Variants in FLRT2 observed in about 807,000 individuals in gnomAD.
The protein encoded by FLRT2 is fibronectin leucine rich transmembrane protein 2.
In FLRT2, 15 loss-of-function variants were observed where a neutral mutation model predicts 40.0. The observed-to-expected ratio is 0.38, with a 90% confidence interval of 0.25 to 0.58. The LOEUF is 0.58. Among genes scored for constraint, FLRT2 ranks in the 20% least tolerant of loss-of-function variants. FLRT2 has a pLI of 0.71. For synonymous variants in FLRT2, 380 were observed against 336.8 expected, an observed-to-expected ratio of 1.13 and a Z score of -1.41; for missense variants, 726 against 840.0, an observed-to-expected ratio of 0.86 and a Z score of 1.68.
At chr14:85,586,693 TAC>T (rs59496302) in intron 1 of FLRT2, among the ~76,000 whole-genome samples, 171 of 149,958 alleles carry the variant, frequency 1.1e-3, no homozygotes, top group African/African-American at 1.6e-3. Context: ...AATATATATG[TAC>T]ACACACACAC....
chr14:85,613,918 G>C (rs1893008589), intron 1 of FLRT2, among the ~76,000 whole-genome samples: 1 of 152,202 alleles, frequency 6.6e-6, no homozygotes, highest in Non-Finnish European at 1.5e-5. Context: ...ATCAATGAAT[G>C]AACAAGGAAA....
intron 1 of FLRT2, among the ~76,000 whole-genome samples, chr14:85,551,978 T>C (rs993261053): frequency 1.3e-5 from 2 of 152,200 alleles, no homozygotes; most frequent in African/African-American, 2.4e-5. Context: ...TGTGCATCCA[T>C]GTAGCAGATG....
chr14:85,583,636 G>A (rs1347558335), intron 1 of FLRT2, among the ~76,000 whole-genome samples: 4 of 152,092 alleles, frequency 2.6e-5, no homozygotes, highest in Non-Finnish European at 5.9e-5. Context: ...CTCCTGGTCC[G>A]CTTAAAGAAT....
intron 1 of FLRT2, among the ~76,000 whole-genome samples, chr14:85,611,482 G>A (rs941471): frequency 0.82 from 124,847 of 152,136 alleles, 51,274 homozygotes; most frequent in East Asian, 0.88. Context: ...TGAGGAAATG[G>A]AGGCTCATCA....
rs571728856 is a variant in FLRT2 at position 85,553,354 on chromosome 14, C to T, written c.-377+22820C>T. Among the ~76,000 whole-genome samples, 7 of 152,230 alleles carry T rather than the reference C, an allele frequency of 4.6e-5. No individual in the cohort carries two copies. The South Asian group carries it at 1.5e-3, about 32-fold the overall frequency. ...TAATCCACGTGCTCTCTCAGTGAGG[C>T]TATGCTGCTGGGACCATCTAAGGTA... On this transcript the variant is annotated intron_variant, in intron 1 of 1. Coordinates refer to ENST00000330753, the MANE Select transcript of FLRT2 (RefSeq NM_013231.6).
intron 1 of FLRT2, among the ~76,000 whole-genome samples, chr14:85,558,281 T>C (rs1044810334): frequency 3.9e-5 from 6 of 152,160 alleles, no homozygotes; most frequent in African/African-American, 1.4e-4. Flanking sequence ...AGTCAGGCTT[T>C]TCAGGAATTT....
At chr14:85,535,009 T>TAA (rs1283626168) in intron 1 of FLRT2, among the ~76,000 whole-genome samples, 1 of 152,234 alleles carries the variant, frequency 6.6e-6, no homozygotes, top group East Asian at 1.9e-4. Context: ...GAATCTCTTG[T>TAA]AAAGCTTACA....
At chr14:85,615,744 C>G (rs1015566589) in intron 1 of FLRT2, among the ~76,000 whole-genome samples, 19 of 47,414 alleles carry the variant, frequency 4.0e-4, no homozygotes, top group Admixed American at 3.2e-3. Context: ...TTCAGTATAG[C>G]TTTCTCATTG....
intron 1 of FLRT2, among the ~76,000 whole-genome samples, chr14:85,590,788 G>T (rs146495560): frequency 6.6e-6 from 1 of 151,990 alleles, no homozygotes; most frequent in Admixed American, 6.6e-5. Flanking sequence ...AGTAGAGATG[G>T]GGTTTCACCA....
At chr14:85,531,204 G>C (rs187518764) in intron 1 of FLRT2, 3 of 152,312 alleles carry the variant, frequency 2.0e-5, no homozygotes, top group Non-Finnish European at 4.4e-5. Flanking sequence ...GAGAGCATAC[G>C]AGGCGGAATC....
At chr14:85,565,763 A>C (rs758430870) in intron 1 of FLRT2, among the ~76,000 whole-genome samples, 5 of 152,170 alleles carry the variant, frequency 3.3e-5, no homozygotes, top group African/African-American at 7.2e-5. Context: ...TTAGGTCAAG[A>C]GGGAAAATGT....
intron 1 of FLRT2, among the ~76,000 whole-genome samples, chr14:85,589,761 T>C (rs957029154): frequency 6.6e-6 from 1 of 152,174 alleles, no homozygotes; most frequent in Admixed American, 6.5e-5. Context: ...TTTAAGTCTT[T>C]GATAGATTTT....
intron 1 of FLRT2, among the ~76,000 whole-genome samples, chr14:85,605,225 G>C (rs1327795582): frequency 6.6e-6 from 1 of 152,078 alleles, no homozygotes; most frequent in Non-Finnish European, 1.5e-5. Flanking sequence ...CAGCTACATT[G>C]TGCTTTTGAT....
At chr14:85,552,712 T>A (rs537918620) in intron 1 of FLRT2, 3 of 152,304 alleles carry the variant, frequency 2.0e-5, no homozygotes, top group Admixed American at 6.5e-5. Flanking sequence ...TTCCGTCGCA[T>A]CATTGGGTTT....
intron 1 of FLRT2, among the ~76,000 whole-genome samples, chr14:85,556,587 C>G (rs1889976346): frequency 6.6e-6 from 1 of 152,120 alleles, no homozygotes; most frequent in Non-Finnish European, 1.5e-5. Context: ...TCCCTGGGTT[C>G]AAAGTCTCAT....
At chr14:85,552,881 T>A (rs1889726569) in intron 1 of FLRT2, 2 of 152,148 alleles carry the variant, frequency 1.3e-5, no homozygotes, top group Non-Finnish European at 2.9e-5. Context: ...ATCTGATGCT[T>A]CTGCCACTGT....
At chr14:85,563,378 C>T (rs914236776) in intron 1 of FLRT2, among the ~76,000 whole-genome samples, 2 of 152,196 alleles carry the variant, frequency 1.3e-5, no homozygotes, top group African/African-American at 2.4e-5. Flanking sequence ...TGTTCTCACA[C>T]TGCTGTAATA....
intron 1 of FLRT2, among the ~76,000 whole-genome samples, chr14:85,574,289 G>A (rs534817914): frequency 2.0e-4 from 30 of 151,182 alleles, no homozygotes; most frequent in African/African-American, 6.5e-4. Flanking sequence ...TAATACATAA[G>A]AATAGAAGAT....
Position 85,633,767 on chromosome 14 carries a change from T to A in FLRT2, c.*10270T>A, listed in dbSNP as rs1893938598. 1 of 150,622 alleles carries A rather than the reference T, an allele frequency of 6.6e-6. No homozygotes were observed. The highest frequency in any genetic ancestry group is 2.4e-5 in the African/African-American group (1 of 40,838). 9.3% of individuals were successfully genotyped at this position (150,622 alleles called of 1,614,324 possible). A position where few individuals can be genotyped will look rare whatever the true frequency, so the allele number is the denominator to read the frequency against. On this transcript the variant is annotated 3_prime_UTR_variant, in exon 2 of 2. Coordinates refer to ENST00000330753, the MANE Select transcript of FLRT2 (RefSeq NM_013231.6). Reference sequence around the variant, plus strand: ...TTGAGCTCTGATTGTGCCACTGCACTCCAGCTTAGGCAACTGAGCAAGACC... The same window carrying A: ...TTGAGCTCTGATTGTGCCACTGCACACCAGCTTAGGCAACTGAGCAAGACC...
Sources: allele counts gnomAD v4.1 joint callset (sites outside exome capture counted in the v4.1 genomes callset), GRCh38; gene constraint gnomAD v4.1.1; transcripts MANE v1.5; gene names NCBI Gene and HGNC (gene_info 2026-07-23, HGNC 2026-07-21).